The following NWD1 variants were observed in gnomAD, a reference collection of about 807,000 sequenced individuals.
NWD1 encodes NACHT and WD repeat domain containing 1.
Under a neutral mutation model 135.1 loss-of-function variants are expected in NWD1, and 129 were observed. That is an observed-to-expected ratio of 0.96 (90% CI 0.83 to 1.11). The LOEUF (loss-of-function observed/expected upper bound fraction) is 1.11. Ranked by LOEUF, NWD1 falls within the 50% of genes least tolerant of loss-of-function variation. The pLI, the probability that NWD1 is intolerant of heterozygous loss-of-function variation, is 0.00. For synonymous variants in NWD1, 773 were observed against 786.0 expected (o/e 0.98, Z 0.28); for missense variants, 1,740 against 1,851.3 (o/e 0.94, Z 1.10).
At chr19:16,808,506 C>T (rs1053703592) in intron 18 of NWD1, among the ~76,000 whole-genome samples, 9 of 151,212 alleles carry the variant, frequency 6.0e-5, no homozygotes, top group East Asian at 2.0e-4. Context: ...GCCAAGATCA[C>T]GCCACTGCAC....
rs1320226324 is a variant in NWD1, at chr19:16,750,029, C to G, written c.1387C>G (p.His463Asp). ...WLPLNCPPRV[H>D]LILSACSGAL... ...GCCTCTCAACTGCCCCCCGAGGGTGCACCTCATCCTCTCAGCTTGCTCGGG... is the reference window on the plus strand; with the variant it reads ...GCCTCTCAACTGCCCCCCGAGGGTGGACCTCATCCTCTCAGCTTGCTCGGG... Residue 463 changes from histidine (H) to aspartate (D), a missense_variant, in exon 6 of 19, where the codon CAC (histidine) becomes GAC (aspartate). Transcript: ENST00000524140. 1 of 1,613,846 alleles carries G rather than the reference C, an allele frequency of 6.2e-7. No individual in the cohort carries two copies. The highest frequency in any genetic ancestry group is 1.7e-5 in the Admixed American group (1 of 60,004).
At chr19:16,748,552 C>T (rs973507297) in intron 5 of NWD1, among the ~76,000 whole-genome samples, 2 of 152,004 alleles carry the variant, frequency 1.3e-5, no homozygotes, top group Non-Finnish European at 2.9e-5. Flanking sequence ...TCAGGCCGGG[C>T]GCAGTGGCTC....
At chr19:16,774,934 C>T (rs1053993647) in intron 11 of NWD1, among the ~76,000 whole-genome samples, 3 of 152,170 alleles carry the variant, frequency 2.0e-5, no homozygotes, top group South Asian at 4.1e-4. Flanking sequence ...CTCCATCTAC[C>T]CATCTACCTG....
intron 17 of NWD1, among the ~76,000 whole-genome samples, chr19:16,801,136 G>T (rs1338634117): frequency 1.3e-5 from 2 of 152,070 alleles, no homozygotes; most frequent in African/African-American, 2.4e-5. Flanking sequence ...AAAATTAGCT[G>T]GGCGTGGTGG....
At chr19:16,758,302 G>T (rs1401101443) in intron 6 of NWD1, among the ~76,000 whole-genome samples, 1 of 151,930 alleles carries the variant, frequency 6.6e-6, no homozygotes, top group East Asian at 1.9e-4. Context: ...TTAGAGACAG[G>T]GCCTCACTCT....
intron 6 of NWD1, among the ~76,000 whole-genome samples, chr19:16,756,631 C>T (rs919035690): frequency 1.6e-4 from 24 of 152,170 alleles, no homozygotes; most frequent in African/African-American, 7.2e-5. Context: ...CCTATCTATA[C>T]ATCTGCCTGT....
intron 11 of NWD1, among the ~76,000 whole-genome samples, chr19:16,777,011 GA>G (rs1969626673): frequency 9.9e-6 from 1 of 101,352 alleles, no homozygotes; most frequent in African/African-American, 3.9e-5. Context: ...GGAGAGGGAA[GA>G]GGGAAGGAAC....
Position 16,808,549 on chromosome 19 carries a change from A to AAAAAGAAAAGAAAAG in NWD1, c.4287+424_4287+438dup, listed in dbSNP as rs537771096. On this transcript the variant is annotated intron_variant, in intron 18 of 18. Transcript: ENST00000524140. ...TGACTACAGACACTCCGTTTAAAAAAAAAAGAAAAGAAAAGAAAAGAAAAG... is the reference window on the plus strand; with the variant it reads ...TGACTACAGACACTCCGTTTAAAAAAAAAAGAAAAGAAAAGAAAAGAAAAGAAAAGAAAAGAAAAG... Among the ~76,000 whole-genome samples the AAAAAGAAAAGAAAAG allele has an allele frequency of 3.2e-3, 481 of 151,956 alleles. 1 individual carries two copies. Among genetic ancestry groups the AAAAAGAAAAGAAAAG allele is most frequent in the African/African-American group, 0.01 (429 of 41,364 alleles).
rs145131372 is a variant in NWD1 at position 16,759,309 on chromosome 19, G to A, written c.1854G>A (p.Pro618=). 1.2e-6 allele frequency: 2 copies of A among 1,614,050 alleles called. No individual in the cohort carries two copies. The highest frequency in any genetic ancestry group is 8.5e-7 in the Non-Finnish European group (1 of 1,179,958). The change falls in exon 7 of 19, where the codon CCG becomes CCA. Residue 618 remains proline (P), a synonymous_variant. Transcript: ENST00000524140. The part of the protein sequence containing the change: ...VLQDVYRDWT[P]PSKELLRFPP... ...AGGATGTGTACCGAGATTGGACCCC[G>A]CCCAGCAAGGAGCTGCTGCGCTTCC... is the stretch of plus-strand genomic sequence containing the variant.
At chr19:16,732,944 G>A (rs563093027) in intron 3 of NWD1, among the ~76,000 whole-genome samples, 6 of 152,250 alleles carry the variant, frequency 3.9e-5, no homozygotes, top group African/African-American at 7.2e-5. Context: ...AGATGAGGCC[G>A]GGCACAGTGG....
At chr19:16,754,090 C>G (rs1728308058) in intron 6 of NWD1, among the ~76,000 whole-genome samples, 1 of 151,478 alleles carries the variant, frequency 6.6e-6, no homozygotes, top group African/African-American at 2.4e-5. Flanking sequence ...TCCATCATCT[C>G]TATCATCCAT....
Position 16,763,924 on chromosome 19 carries a change from G to A in NWD1, c.2230G>A (p.Glu744Lys), listed in dbSNP as rs946572489. Residue 744 changes from glutamate to lysine, a missense_variant, in exon 9 of 19, where the codon GAG (glutamate) becomes AAG (lysine). Transcript: ENST00000524140. ...CCTGCTTCACTCGGGCCGCCTGGAG[G>A]AGCTGAAACAGGAGGTTCTGGGTAA... ...YHLLHSGRLE[E>K]LKQEVLGSMS... 1.2e-6 allele frequency: 2 copies of A among 1,612,352 alleles called. No individual in the cohort carries two copies. Among genetic ancestry groups the A allele is most frequent in the Non-Finnish European group, 1.7e-6 (2 of 1,178,558 alleles).
chr19:16,726,092 AG>A (rs1328346630), intron 2 of NWD1, among the ~76,000 whole-genome samples: 2 of 151,714 alleles, frequency 1.3e-5, no homozygotes, highest in African/African-American at 2.4e-5. Context: ...CCTCCGGAGT[AG>A]CTAGGATTAC....
chr19:16,733,659 T>A (rs1967672473), intron 3 of NWD1, among the ~76,000 whole-genome samples: 1 of 152,162 alleles, frequency 6.6e-6, no homozygotes, highest in Admixed American at 6.6e-5. Flanking sequence ...CCATTGATCA[T>A]GAGACATAGT....
At chr19:16,795,299 A>T (rs1970382306) in intron 15 of NWD1, among the ~76,000 whole-genome samples, 1 of 152,154 alleles carries the variant, frequency 6.6e-6, no homozygotes, top group African/African-American at 2.4e-5. Context: ...GCACTGACAC[A>T]GGGCCAGGCT....
chr19:16,733,880 T>C (rs952789306), intron 3 of NWD1, among the ~76,000 whole-genome samples: 1 of 152,070 alleles, frequency 6.6e-6, no homozygotes, highest in African/African-American at 2.4e-5. Context: ...TAACTCATTG[T>C]TCCTCCCCCT....
At position 16,815,078 on chromosome 19, in the gene NWD1, C is replaced by T; in HGVS notation, c.*39C>T. ...CCATGCTGTGGTAAACAGAATCATC[C>T]CAACCACCAGTGGCTTCATTGCCCC... On this transcript the variant is annotated 3_prime_UTR_variant, in exon 19 of 19. Coordinates refer to ENST00000524140, the MANE Select transcript of NWD1 (RefSeq NM_001007525.5). 6.2e-7 allele frequency: 1 copy of T among 1,608,410 alleles called. No homozygotes were observed. The highest frequency in any genetic ancestry group is 1.1e-5 in the South Asian group (1 of 90,976).
At chr19:16,733,268 C>T (rs917889733) in intron 3 of NWD1, among the ~76,000 whole-genome samples, 33 of 151,512 alleles carry the variant, frequency 2.2e-4, no homozygotes, top group Non-Finnish European at 4.4e-4. Flanking sequence ...TGCCTGTAAT[C>T]CCAGCACTTT....
chr19:16,757,062 G>A (rs1048169774), intron 6 of NWD1, among the ~76,000 whole-genome samples: 1 of 152,052 alleles, frequency 6.6e-6, no homozygotes, highest in Non-Finnish European at 1.5e-5. Flanking sequence ...TCTACATGAT[G>A]GGGAGTTGTA....
Sources: allele counts gnomAD v4.1 joint callset (sites outside exome capture counted in the v4.1 genomes callset), GRCh38; gene constraint gnomAD v4.1.1; transcripts MANE v1.5; gene names NCBI Gene and HGNC (gene_info 2026-07-23, HGNC 2026-07-21).